The following PTPRD variants were observed in gnomAD, a reference collection of about 807,000 sequenced individuals.
PTPRD encodes protein tyrosine phosphatase receptor type D.
A neutral mutation model predicts 214.5 loss-of-function variants in PTPRD; 34 were observed. That is an observed-to-expected ratio of 0.16 (90% CI 0.12 to 0.21). The LOEUF is 0.21. Ranked by LOEUF, PTPRD falls within the 10% of genes least tolerant of loss-of-function variation. The pLI is 1.00. For missense variants in PTPRD, 2,545 were observed against 2,398.7 expected (o/e 1.06, Z -1.27); for synonymous variants, 1,128 against 845.7 (o/e 1.33, Z -5.79).
At chr9:10,363,610 T>C (rs2097439494) in intron 2 of PTPRD, among the ~76,000 whole-genome samples, 1 of 152,210 alleles carries the variant, frequency 6.6e-6, no homozygotes, top group Admixed American at 6.5e-5. Context: ...TCAACACATA[T>C]TTAACCATTT....
intron 3 of PTPRD, among the ~76,000 whole-genome samples, chr9:10,113,108 G>T (rs1329369866): frequency 6.6e-6 from 1 of 152,162 alleles, no homozygotes; most frequent in Non-Finnish European, 1.5e-5. Flanking sequence ...TATCAAGCCA[G>T]CTTTGTCAGC....
chr9:8,315,803 T>A lies in PTPRD; in HGVS notation c.*2071A>T, dbSNP rs1332697381. On this transcript the variant is annotated 3_prime_UTR_variant, in exon 46 of 46. Transcript: ENST00000381196. The stretch of plus-strand genomic sequence containing the variant: ...TGAAGCTAAAATTAAACCAAAGTAG[T>A]ATACTCATACCAAAACTCTTTAAGA... 1 of 227,354 alleles carries A rather than the reference T, an allele frequency of 4.4e-6. No individual in the cohort carries two copies. The highest frequency in any genetic ancestry group is 5.7e-5 in the Admixed American group (1 of 17,534). The allele number at this position is 227,354 out of a possible 1,614,324, so 14.1% of individuals were successfully genotyped here.
intron 4 of PTPRD, among the ~76,000 whole-genome samples, chr9:9,991,003 C>T (rs897159251): frequency 2.0e-5 from 3 of 149,552 alleles, no homozygotes; most frequent in African/African-American, 7.4e-5. Flanking sequence ...GGCGTGATCT[C>T]GGCTCACAAC....
At chr9:9,547,893 A>T (rs940547601) in intron 8 of PTPRD, among the ~76,000 whole-genome samples, 1 of 151,922 alleles carries the variant, frequency 6.6e-6, no homozygotes, top group African/African-American at 2.4e-5. Flanking sequence ...AAAATGTGAA[A>T]GAAGCTCAAG....
chr9:9,551,192 A>G (rs1341620532), intron 8 of PTPRD, among the ~76,000 whole-genome samples: 2 of 152,042 alleles, frequency 1.3e-5, no homozygotes, highest in Admixed American at 6.6e-5. Flanking sequence ...GCTCATTTAT[A>G]GTGATAATCA....
At chr9:8,904,600 A>G (rs2098694644) in intron 11 of PTPRD, among the ~76,000 whole-genome samples, 1 of 149,604 alleles carries the variant, frequency 6.7e-6, no homozygotes, top group Non-Finnish European at 1.5e-5. Flanking sequence ...TGAACCCGGG[A>G]GGCAAAAGTT....
intron 3 of PTPRD, among the ~76,000 whole-genome samples, chr9:10,057,974 G>A (rs1274370396): frequency 6.6e-6 from 1 of 152,116 alleles, no homozygotes; most frequent in Non-Finnish European, 1.5e-5. Flanking sequence ...TGGAAAGGGA[G>A]AGTTTATTTT....
At chr9:9,336,428 G>A (rs187440783) in intron 9 of PTPRD, among the ~76,000 whole-genome samples, 7 of 152,228 alleles carry the variant, frequency 4.6e-5, no homozygotes, top group East Asian at 3.9e-4. Context: ...ATGGCCTGAC[G>A]TCGCACAGTG....
chr9:10,386,171 C>A (rs2097910784), intron 2 of PTPRD, among the ~76,000 whole-genome samples: 1 of 151,638 alleles, frequency 6.6e-6, no homozygotes. Context: ...AAGCTCAGAC[C>A]CAAGGTTTAG....
At chr9:9,396,756 A>T (rs1490241411) in intron 9 of PTPRD, among the ~76,000 whole-genome samples, 1 of 152,014 alleles carries the variant, frequency 6.6e-6, no homozygotes, top group South Asian at 2.1e-4. Flanking sequence ...TCTGCTCTAA[A>T]CTGGTAAACT....
At chr9:9,662,102 G>T (rs1293451375) in intron 7 of PTPRD, among the ~76,000 whole-genome samples, 1 of 151,668 alleles carries the variant, frequency 6.6e-6, no homozygotes, top group Non-Finnish European at 1.5e-5. Flanking sequence ...TTACAAGATA[G>T]CATTCTTCTC....
At chr9:9,490,263 C>G (rs1427845097) in intron 8 of PTPRD, among the ~76,000 whole-genome samples, 1 of 151,936 alleles carries the variant, frequency 6.6e-6, no homozygotes, top group Non-Finnish European at 1.5e-5. Context: ...TCAAGGGAAT[C>G]CTGGAGGGTG....
At chr9:8,940,284 T>G (rs145158213) in intron 11 of PTPRD, among the ~76,000 whole-genome samples, 69 of 27,714 alleles carry the variant, frequency 2.5e-3, no homozygotes, top group South Asian at 3.8e-3. Flanking sequence ...TCTCTCCTTT[T>G]TTTTTTTTTT....
intron 3 of PTPRD, among the ~76,000 whole-genome samples, chr9:10,247,827 G>A (rs1200630451): frequency 2.0e-5 from 3 of 152,100 alleles, no homozygotes; most frequent in Non-Finnish European, 4.4e-5. Flanking sequence ...CAACGAGGTG[G>A]CAATGGGAAG....
At chr9:9,769,072 AG>A (rs1370950936) in intron 5 of PTPRD, among the ~76,000 whole-genome samples, 1 of 152,130 alleles carries the variant, frequency 6.6e-6, no homozygotes, top group Admixed American at 6.6e-5. Flanking sequence ...ACTTTAATAT[AG>A]GCTAATATTA....
At chr9:9,476,652 C>T (rs11789423) in intron 8 of PTPRD, among the ~76,000 whole-genome samples, 12,486 of 152,192 alleles carry the variant, frequency 0.082, 583 homozygotes, top group Non-Finnish European at 0.1. Context: ...ATGTATAACT[C>T]CTCTGCTCAT....
chr9:9,660,584 T>A (rs552234291), intron 7 of PTPRD, among the ~76,000 whole-genome samples: 1 of 152,136 alleles, frequency 6.6e-6, no homozygotes, highest in Admixed American at 6.6e-5. Flanking sequence ...GTTCAGAAAC[T>A]GAGAGTTGCC....
In PTPRD at chr9:9,990,589, C is replaced by T. The variant is rs117513312; in HGVS notation, c.-472+43129G>A. Reference sequence around the variant, plus strand: ...CTAGGGAAATCTCAGAGGCCCAGGCCCCTACACAATCAGCTGGAAATGTAG... The same window carrying T: ...CTAGGGAAATCTCAGAGGCCCAGGCTCCTACACAATCAGCTGGAAATGTAG... On this transcript the variant is annotated intron_variant, in intron 4 of 45. Transcript: ENST00000381196. Among the ~76,000 whole-genome samples, 36 of 152,308 alleles carry T rather than the reference C, an allele frequency of 2.4e-4. No homozygotes were observed. The East Asian group carries it at 6.6e-3, about 28-fold the overall frequency.
chr9:9,939,791 A>G (rs1030137849), intron 4 of PTPRD, among the ~76,000 whole-genome samples: 2 of 152,144 alleles, frequency 1.3e-5, no homozygotes, highest in Admixed American at 1.3e-4. Flanking sequence ...TTTTCTATGC[A>G]GTACGATGTG....
Sources: allele counts gnomAD v4.1 joint callset (sites outside exome capture counted in the v4.1 genomes callset), GRCh38; gene constraint gnomAD v4.1.1; transcripts MANE v1.5; gene names NCBI Gene and HGNC (gene_info 2026-07-23, HGNC 2026-07-21).